Variants in PBRM1 observed in about 807,000 individuals in gnomAD.
PBRM1 encodes polybromo 1, also known as protein polybromo-1.
Under a neutral mutation model 194.5 loss-of-function variants are expected in PBRM1, and 27 were observed. The observed-to-expected ratio is 0.14, with a 90% CI of 0.10 to 0.19. PBRM1 has a LOEUF of 0.19. PBRM1 is among the 10% of genes least tolerant of loss of function. The pLI, the probability that PBRM1 is intolerant of heterozygous loss-of-function variation, is 1.00. For synonymous variants in PBRM1, 655 were observed against 693.2 expected, an observed-to-expected ratio of 0.94 and a Z score of 0.87; for missense variants, 1,466 against 2,077.2, an observed-to-expected ratio of 0.71 and a Z score of 5.72.
chr3:52,674,701 A>G (rs974750777), intron 2 of PBRM1, among the ~76,000 whole-genome samples: 5 of 148,212 alleles, frequency 3.4e-5, no homozygotes, highest in Non-Finnish European at 7.4e-5. Context: ...CTTACCTAAC[A>G]TTACATACGT....
chr3:52,670,746 G>A (rs570730609), intron 2 of PBRM1, among the ~76,000 whole-genome samples: 24 of 152,300 alleles, frequency 1.6e-4, no homozygotes, highest in African/African-American at 5.3e-4. Context: ...TGTAGTCCCA[G>A]CTACTTGGGA....
chr3:52,615,478 C>T, intron 14 of PBRM1, 22 bp from the exon 17 acceptor site: 1 of 1,342,066 alleles, frequency 7.5e-7, no homozygotes, highest in Non-Finnish European at 1.1e-6. Flanking sequence ...AAATATACTT[C>T]AATTATTTTC....
chr3:52,547,189 T>G (rs2079790465), downstream of PBRM1: 1 of 232,948 alleles, frequency 4.3e-6, no homozygotes, highest in African/African-American at 2.2e-5. Flanking sequence ...CATCTGAAAT[T>G]TATAGGCATA....
At chr3:52,562,489 T>C (rs1405609777) in intron 24 of PBRM1, among the ~76,000 whole-genome samples, 1 of 151,560 alleles carries the variant, frequency 6.6e-6, no homozygotes, top group African/African-American at 2.4e-5. Flanking sequence ...CTGAATTCCA[T>C]GGGTGCAATC....
chr3:52,645,844 T>G (rs1417972200), intron 7 of PBRM1, among the ~76,000 whole-genome samples: 2 of 152,190 alleles, frequency 1.3e-5, no homozygotes, highest in African/African-American at 4.8e-5. Context: ...ACTTATGAAG[T>G]GCTTATTTCT....
At chr3:52,589,939 C>T (rs2092851630) in intron 17 of PBRM1, among the ~76,000 whole-genome samples, 1 of 151,990 alleles carries the variant, frequency 6.6e-6, no homozygotes, top group Admixed American at 6.6e-5. Context: ...AGCAATTCTC[C>T]TGCCTCAGCC....
At chr3:52,632,715 G>A (rs1339561281) in intron 11 of PBRM1, among the ~76,000 whole-genome samples, 2 of 144,772 alleles carry the variant, frequency 1.4e-5, no homozygotes, top group African/African-American at 5.2e-5. Context: ...AAGAGATGGA[G>A]TCTCACTCTG....
At chr3:52,679,433 T>C (rs533378898) in intron 1 of PBRM1, 141 bp downstream of exon 2, 27 of 701,044 alleles carry the variant, frequency 3.9e-5, no homozygotes, top group Middle Eastern at 5.0e-4. Flanking sequence ...GAATACATAA[T>C]GTTCATAAAA....
intron 2 of PBRM1, among the ~76,000 whole-genome samples, chr3:52,676,289 C>A (rs1172402272): frequency 6.6e-6 from 1 of 152,158 alleles, no homozygotes; most frequent in Non-Finnish European, 1.5e-5. Context: ...CCATTCAAAT[C>A]TCAGCTTGAA....
chr3:52,639,840 G>A (rs1391656508), intron 10 of PBRM1, among the ~76,000 whole-genome samples: 1 of 152,022 alleles, frequency 6.6e-6, no homozygotes, highest in African/African-American at 2.4e-5. Context: ...AAAAGTGCTG[G>A]GATAAGAGGC....
At chr3:52,585,571 C>T (rs993510376) in intron 20 of PBRM1, 3 of 152,332 alleles carry the variant, frequency 2.0e-5, no homozygotes, top group Non-Finnish European at 4.4e-5. Context: ...TCTTGTTGCC[C>T]AGGCTGGACT....
At chr3:52,629,112 A>T (rs1408580817) in intron 11 of PBRM1, 77 bp from the exon 13 acceptor site, 2 of 1,132,388 alleles carry the variant, frequency 1.8e-6, no homozygotes, top group Non-Finnish European at 2.5e-6. Flanking sequence ...TCCAATGCAA[A>T]ATCTTGACAA....
intron 11 of PBRM1, among the ~76,000 whole-genome samples, chr3:52,632,321 C>T (rs2095645274): frequency 6.6e-6 from 1 of 152,120 alleles, no homozygotes; most frequent in Non-Finnish European, 1.5e-5. Flanking sequence ...TGGTGGCTCA[C>T]ACCTGGAATC....
At chr3:52,616,711 T>C (rs1331684434) in intron 14 of PBRM1, among the ~76,000 whole-genome samples, 7 of 152,206 alleles carry the variant, frequency 4.6e-5, no homozygotes. Context: ...ATCAAGATGC[T>C]CTGTAGCAAA....
At position 52,668,995 on chromosome 3, in the gene PBRM1, T is replaced by C. The variant is rs148555874; in HGVS notation, c.237-350A>G. ...ATAAATGAAGATGACTTACCTTTCA[T>C]AGTGCTCAAAAGTGTGAAAACAGAG... On this transcript the variant is annotated intron_variant, in intron 2 of 29. Coordinates refer to ENST00000296302, the Ensembl canonical transcript of PBRM1. 1.5e-4 allele frequency among the ~76,000 whole-genome samples: 23 copies of C among 152,312 alleles called. 1 individual carries two copies. The East Asian group carries it at 4.1e-3, about 27-fold the overall frequency.
intron 2 of PBRM1, among the ~76,000 whole-genome samples, chr3:52,671,631 G>C (rs549085487): frequency 2.6e-5 from 4 of 152,340 alleles, no homozygotes; most frequent in African/African-American, 9.6e-5. Flanking sequence ...TTGGGAAAAT[G>C]CTTGGTATTG....
At chr3:52,610,193 GA>G (rs2094537575) in intron 15 of PBRM1, among the ~76,000 whole-genome samples, 1 of 152,136 alleles carries the variant, frequency 6.6e-6, no homozygotes, top group Non-Finnish European at 1.5e-5. Flanking sequence ...GAATAAGAAG[GA>G]ATAAAGCAAA....
chr3:52,583,408 A>T (rs546053627), intron 20 of PBRM1, among the ~76,000 whole-genome samples: 19 of 150,686 alleles, frequency 1.3e-4, no homozygotes, highest in Non-Finnish European at 2.2e-4. Flanking sequence ...GACTCCATCT[A>T]AAAAAAAACA....
At chr3:52,625,766 G>A (rs1275344367) in intron 13 of PBRM1, among the ~76,000 whole-genome samples, 1 of 151,930 alleles carries the variant, frequency 6.6e-6, no homozygotes, top group Non-Finnish European at 1.5e-5. Context: ...TAGTAGAGAT[G>A]AGGTTTCACC....
Sources: allele counts gnomAD v4.1 joint callset (sites outside exome capture counted in the v4.1 genomes callset), GRCh38; gene constraint gnomAD v4.1.1; transcripts MANE v1.5; gene names NCBI Gene and HGNC (gene_info 2026-07-23, HGNC 2026-07-21).